Variants in KCND2 observed in about 807,000 individuals in gnomAD.
The protein encoded by KCND2 is potassium voltage-gated channel subfamily D member 2.
A neutral mutation model predicts 54.4 loss-of-function variants in KCND2; 16 were observed. That is an observed-to-expected ratio of 0.29 (90% CI 0.20 to 0.45). The LOEUF is 0.45. Ranked by LOEUF, KCND2 falls within the 20% of genes least tolerant of loss-of-function variation. The pLI is 1.00. For missense variants in KCND2, 486 were observed against 824.2 expected (o/e 0.59, Z 5.02); for synonymous variants, 317 against 310.7 (o/e 1.02, Z -0.21).
At chr7:120,721,088 A>G (rs962310908) in intron 1 of KCND2, among the ~76,000 whole-genome samples, 2 of 152,188 alleles carry the variant, frequency 1.3e-5, no homozygotes, top group African/African-American at 4.8e-5. Context: ...ATGAAACCTG[A>G]TGGAAATAAT....
chr7:120,605,321 C>A (rs761903551), intron 1 of KCND2, among the ~76,000 whole-genome samples: 1 of 152,180 alleles, frequency 6.6e-6, no homozygotes, highest in South Asian at 2.1e-4. Context: ...AGTCATTCCA[C>A]ATTTGTACCC....
rs1248719473 is a variant in KCND2 at position 120,669,157 on chromosome 7, GA to G, written c.1116-63738del. 5.9e-5 allele frequency among the ~76,000 whole-genome samples: 9 copies of G among 151,474 alleles called. No individual in the cohort carries two copies. The South Asian group carries it at 1.9e-3, about 31-fold the overall frequency. On this transcript the variant is annotated intron_variant, in intron 1 of 5. Transcript: ENST00000331113. Reference sequence around the variant, plus strand: ...TGCTCAGCTTGCTTTTTTCCAAGAGGAAAAAAAATGGTGATAGTCTAGCGTC... The same window carrying G: ...TGCTCAGCTTGCTTTTTTCCAAGAGGAAAAAAATGGTGATAGTCTAGCGTC...
At chr7:120,324,264 A>C (rs1388109895) in intron 1 of KCND2, among the ~76,000 whole-genome samples, 4 of 150,480 alleles carry the variant, frequency 2.7e-5, no homozygotes, top group African/African-American at 9.8e-5. Flanking sequence ...GTTCACTCTG[A>C]TGGGAGTTTC....
intron 1 of KCND2, among the ~76,000 whole-genome samples, chr7:120,433,870 T>A (rs1281705785): frequency 6.6e-6 from 1 of 152,190 alleles, no homozygotes; most frequent in Non-Finnish European, 1.5e-5. Context: ...ATGGGATTAT[T>A]TTTCTCATTT....
chr7:120,458,627 A>G (rs566045043), intron 1 of KCND2, among the ~76,000 whole-genome samples: 3 of 152,270 alleles, frequency 2.0e-5, no homozygotes, highest in African/African-American at 7.2e-5. Flanking sequence ...AAAATATAAA[A>G]AGAGAATCCA....
chr7:120,704,126 T>C (rs1792436509), intron 1 of KCND2, among the ~76,000 whole-genome samples: 1 of 152,218 alleles, frequency 6.6e-6, no homozygotes, highest in Non-Finnish European at 1.5e-5. Context: ...TCTACTCTCC[T>C]TCTAATAGAA....
intron 1 of KCND2, among the ~76,000 whole-genome samples, chr7:120,450,531 A>G (rs1215597727): frequency 1.3e-5 from 2 of 152,198 alleles, no homozygotes; most frequent in East Asian, 3.8e-4. Context: ...GACCTCACAG[A>G]CAATGGAGAA....
chr7:120,435,098 T>TATTC (rs1801847432), intron 1 of KCND2, among the ~76,000 whole-genome samples: 3 of 150,924 alleles, frequency 2.0e-5, no homozygotes, highest in East Asian at 1.9e-4. Context: ...AAATTTTATT[T>TATTC]ATTTATTTAT....
At chr7:120,504,456 C>T (rs943959967) in intron 1 of KCND2, among the ~76,000 whole-genome samples, 2 of 151,802 alleles carry the variant, frequency 1.3e-5, no homozygotes, top group African/African-American at 4.8e-5. Flanking sequence ...CTTTATACTG[C>T]TTCTTATTGT....
At chr7:120,698,247 T>G (rs1289365375) in intron 1 of KCND2, among the ~76,000 whole-genome samples, 1 of 152,140 alleles carries the variant, frequency 6.6e-6, no homozygotes, top group Non-Finnish European at 1.5e-5. Context: ...ACTCAACCTT[T>G]TATCCTTTTA....
intron 3 of KCND2, among the ~76,000 whole-genome samples, chr7:120,741,882 GTC>G (rs1228049213): frequency 1.3e-5 from 2 of 151,798 alleles, no homozygotes; most frequent in Admixed American, 1.3e-4. Context: ...TTTCTACACT[GTC>G]TCTTATTAAC....
chr7:120,416,590 A>G (rs555520234), intron 1 of KCND2, among the ~76,000 whole-genome samples: 1 of 152,308 alleles, frequency 6.6e-6, no homozygotes, highest in African/African-American at 2.4e-5. Flanking sequence ...CTGAGTGCCT[A>G]CTATATGCCT....
At chr7:120,521,519 T>G (rs1052825969) in intron 1 of KCND2, among the ~76,000 whole-genome samples, 1 of 152,110 alleles carries the variant, frequency 6.6e-6, no homozygotes, top group Non-Finnish European at 1.5e-5. Context: ...GTCTACATAT[T>G]AAGTCACATT....
rs561187845 is a variant in KCND2 at position 120,462,274 on chromosome 7, G to A, written c.1115+186527G>A. ...GGCCTTCAACATTTATTTAAAATTTGATATCTGAAGTTGAATCTTATAGGC... is the reference window on the plus strand; with the variant it reads ...GGCCTTCAACATTTATTTAAAATTTAATATCTGAAGTTGAATCTTATAGGC... On this transcript the variant is annotated intron_variant, in intron 1 of 5. Transcript: ENST00000331113. Among the ~76,000 whole-genome samples the A allele has an allele frequency of 3.3e-5, 5 of 150,832 alleles. No individual in the cohort carries two copies. In the East Asian group the frequency reaches 9.8e-4, roughly 29 times the overall value.
chr7:120,599,318 A>G (rs894604230), intron 1 of KCND2, among the ~76,000 whole-genome samples: 1 of 151,998 alleles, frequency 6.6e-6, no homozygotes, highest in Non-Finnish European at 1.5e-5. Flanking sequence ...CAAATGGATT[A>G]TTTGCCTATC....
At chr7:120,703,718 C>A (rs1040483369) in intron 1 of KCND2, among the ~76,000 whole-genome samples, 2 of 152,134 alleles carry the variant, frequency 1.3e-5, no homozygotes, top group Non-Finnish European at 1.5e-5. Flanking sequence ...AGGAGAAATG[C>A]TGATACATTG....
At chr7:120,464,453 A>G (rs1802338403) in intron 1 of KCND2, among the ~76,000 whole-genome samples, 1 of 152,158 alleles carries the variant, frequency 6.6e-6, no homozygotes, top group Non-Finnish European at 1.5e-5. Flanking sequence ...TGCTGAGGTG[A>G]AGGAGATAGT....
intron 1 of KCND2, among the ~76,000 whole-genome samples, chr7:120,577,027 G>T (rs1792443621): frequency 6.6e-6 from 1 of 151,948 alleles, no homozygotes. Flanking sequence ...TGCACCTGTA[G>T]TCCCAGCTAC....
At chr7:120,504,706 G>T (rs1028355453) in intron 1 of KCND2, among the ~76,000 whole-genome samples, 1 of 151,696 alleles carries the variant, frequency 6.6e-6, no homozygotes, top group South Asian at 2.1e-4. Context: ...TTAGAGGGTG[G>T]CTCTATAAAT....
Sources: allele counts gnomAD v4.1 joint callset (sites outside exome capture counted in the v4.1 genomes callset), GRCh38; gene constraint gnomAD v4.1.1; transcripts MANE v1.5; gene names NCBI Gene and HGNC (gene_info 2026-07-23, HGNC 2026-07-21).